The following MTOR variants were observed in gnomAD, a reference collection of about 807,000 sequenced individuals.
MTOR encodes the protein serine/threonine-protein kinase mTOR.
In MTOR, 70 loss-of-function variants were observed where a neutral mutation model predicts 319.8. The ratio of observed to expected loss-of-function variants is 0.22; its 90% CI spans 0.18 to 0.27. MTOR has a LOEUF of 0.27. MTOR is among the 10% of genes least tolerant of loss of function. MTOR has a pLI of 1.00. For synonymous variants in MTOR, 1,183 were observed against 1,211.4 expected (o/e 0.98, Z 0.49); for missense variants, 1,890 against 3,274.4 (o/e 0.58, Z 10.32).
In MTOR at chr1:11,156,658, G is replaced by A. The variant is rs118154419; in HGVS notation, c.4469+494C>T. On this transcript the variant is annotated intron_variant, in intron 30 of 57. Transcript: ENST00000361445. Reference sequence around the variant, plus strand: ...ATAATAACCCTCTGTTTACGTGGCTGTCTCATCAACCTCACAGGAAAGGCC... The same window carrying A: ...ATAATAACCCTCTGTTTACGTGGCTATCTCATCAACCTCACAGGAAAGGCC... Among the ~76,000 whole-genome samples the A allele has an allele frequency of 2.1e-3, 322 of 152,258 alleles. 7 individuals carry two copies. The East Asian group carries it at 0.052, about 25-fold the overall frequency.
chr1:11,255,916 G>T, intron 5 of MTOR, 76 bp downstream of exon 5: 1 of 1,353,516 alleles, frequency 7.4e-7, no homozygotes, highest in Non-Finnish European at 1.0e-6. Context: ...GCAAGGGCTT[G>T]TGGCTGCCCT....
intron 28 of MTOR, among the ~76,000 whole-genome samples, chr1:11,185,484 C>T (rs115403203): frequency 0.028 from 4,185 of 151,562 alleles, 169 homozygotes; most frequent in African/African-American, 0.095. Flanking sequence ...TGCATACCTG[C>T]AGTCCTAGCT....
In MTOR at chr1:11,133,878, T is replaced by C. The variant is rs928557364; in HGVS notation, c.5246+473A>G. On this transcript the variant is annotated intron_variant, in intron 37 of 57. Coordinates refer to ENST00000361445, the MANE Select transcript of MTOR (RefSeq NM_004958.4). This position sits in a 1 kb window ranked among gnomAD's most constrained non-coding sequence, Gnocchi z 4.0. ...AGTTTGAGACCAGCCTGGGCAACAT[T>C]AAACTTGTAGGAGGAAATGCAGGCT... Among the ~76,000 whole-genome samples the C allele has an allele frequency of 1.3e-5, 2 of 151,982 alleles. No homozygotes were observed. Among genetic ancestry groups the C allele is most frequent in the African/African-American group, 2.4e-5 (1 of 41,364 alleles).
chr1:11,200,787 G>A (rs560223514), intron 26 of MTOR, among the ~76,000 whole-genome samples: 6 of 152,112 alleles, frequency 3.9e-5, no homozygotes, highest in South Asian at 2.1e-4. Flanking sequence ...GGGCTGAGGC[G>A]GGCGGATCAC....
intron 34 of MTOR, among the ~76,000 whole-genome samples, chr1:11,141,165 G>A (rs571190613): frequency 1.3e-5 from 2 of 152,178 alleles, no homozygotes; most frequent in South Asian, 4.2e-4. Flanking sequence ...ACCCAGGCTG[G>A]AGTAAAGTGG....
chr1:11,177,861 G>A (rs1645036726), intron 28 of MTOR, among the ~76,000 whole-genome samples: 1 of 152,134 alleles, frequency 6.6e-6, no homozygotes, highest in Non-Finnish European at 1.5e-5. Flanking sequence ...AGAAAAAAAT[G>A]GAGGAGGGAA....
chr1:11,199,423 C>T lies in MTOR; in HGVS notation c.4108-20G>A, dbSNP rs777216605. ...GGGGCCCTGGAGAAGAGCAAAACCTCACAGCACAGGAAAATGGCAGATGGG... is the reference window on the plus strand; with the variant it reads ...GGGGCCCTGGAGAAGAGCAAAACCTTACAGCACAGGAAAATGGCAGATGGG... On this transcript the variant is annotated intron_variant, in intron 27 of 57. Coordinates refer to ENST00000361445, the MANE Select transcript of MTOR (RefSeq NM_004958.4). The surrounding 1 kb of genome is among the most constrained non-coding windows in gnomAD (Gnocchi z 4.5). 1.9e-5 allele frequency: 31 copies of T among 1,614,038 alleles called. No individual in the cohort carries two copies. Among genetic ancestry groups the T allele is most frequent in the Non-Finnish European group, 2.6e-5 (31 of 1,180,032 alleles).
At position 11,212,405 on chromosome 1, in the gene MTOR, A is replaced by G; in HGVS notation, c.3468T>C (p.Ile1156=). 1 of 1,614,162 alleles carries G rather than the reference A, an allele frequency of 6.2e-7. No homozygotes were observed. Reference sequence around the variant, plus strand: ...GGTCCAGTGTTCGAACAATAGGGTGAATGATCCGGGAGGCATAGTCAGTGA... The same window carrying G: ...GGTCCAGTGTTCGAACAATAGGGTGGATGATCCGGGAGGCATAGTCAGTGA... The part of the protein sequence containing the change: ...LDFTDYASRI[I]HPIVRTLDQS... Residue 1156 remains isoleucine, a synonymous_variant, in exon 23 of 58, where the codon ATT becomes ATC. Transcript: ENST00000361445. The surrounding 1 kb of genome is among the most constrained non-coding windows in gnomAD (Gnocchi z 4.1).
At position 11,248,110 on chromosome 1, in the gene MTOR, G is replaced by A. The variant is rs1429433051; in HGVS notation, c.841-16C>T. The A allele has an allele frequency of 2.6e-6, 4 of 1,555,598 alleles. No individual in the cohort carries two copies. The highest frequency in any genetic ancestry group is 1.4e-5 in the African/African-American group (1 of 72,602). ...CTCTCAGACGCTATATATATGAGGA[G>A]GAAAAAAATCATCTTTACTTATGAC... On this transcript the variant is annotated splice_polypyrimidine_tract_variant and intron_variant, in intron 6 of 57. Transcript: ENST00000361445.
intron 1 of MTOR, among the ~76,000 whole-genome samples, chr1:11,261,377 CAGG>C (rs1651109772): frequency 6.6e-6 from 1 of 151,528 alleles, no homozygotes; most frequent in South Asian, 2.1e-4. Context: ...GAGGCTGAGG[CAGG>C]AGAATGGCGG....
chr1:11,252,559 G>A (rs1649834557), intron 6 of MTOR, among the ~76,000 whole-genome samples: 1 of 152,144 alleles, frequency 6.6e-6, no homozygotes, highest in African/African-American at 2.4e-5. Flanking sequence ...TGTCCAAAGG[G>A]AGAAAAATGA....
chr1:11,251,566 T>C (rs1415594443), intron 6 of MTOR, among the ~76,000 whole-genome samples: 1 of 152,160 alleles, frequency 6.6e-6, no homozygotes, highest in East Asian at 1.9e-4. Context: ...TAGGACACAG[T>C]GTAGCTGGCA....
intron 46 of MTOR, among the ~76,000 whole-genome samples, chr1:11,124,874 C>T (rs537534062): frequency 7.9e-5 from 12 of 152,294 alleles, no homozygotes; most frequent in South Asian, 4.1e-4. Flanking sequence ...GGACCAGGAA[C>T]GGTTAGGCAT....
chr1:11,144,831 C>T, intron 33 of MTOR, 76 bp from the exon 34 acceptor site: 1 of 1,541,710 alleles, frequency 6.5e-7, no homozygotes. Context: ...TAAATCATTC[C>T]TTCTGGTGTC....
intron 19 of MTOR, among the ~76,000 whole-genome samples, chr1:11,218,232 T>C (rs7540890): frequency 0.8 from 120,951 of 152,066 alleles, 48,523 homozygotes; most frequent in East Asian, 0.91. Context: ...GAGTTTGAGA[T>C]CAGCCTGGCC....
intron 32 of MTOR, 59 bp downstream of exon 32, chr1:11,146,617 G>C: frequency 1.5e-6 from 2 of 1,345,498 alleles, no homozygotes; most frequent in Non-Finnish European, 2.1e-6. Flanking sequence ...AGCACCGTGG[G>C]CTTAGAAGCA....
rs138517513 is a variant in MTOR at position 11,237,948 on chromosome 1, A to G, written c.2103T>C (p.Asn701=). 28 of 1,614,222 alleles carry G rather than the reference A, an allele frequency of 1.7e-5. No individual in the cohort carries two copies. In the African/African-American group the frequency reaches 3.2e-4, roughly 18 times the overall value. Residue 701 remains asparagine (N), a synonymous_variant, in exon 13 of 58, where the codon AAT becomes AAC. Coordinates refer to ENST00000361445, the MANE Select transcript of MTOR (RefSeq NM_004958.4). ...ENLQALFVAL[N]DQVFEIRELA... is the part of the protein sequence containing the mutation. ...GCTCCCGGATCTCAAACACCTGGTC[A>G]TTCAGAGCCACAAACAAGGCCTGCA...
At chr1:11,123,923 G>T (rs370228570) in intron 47 of MTOR, among the ~76,000 whole-genome samples, 43 of 152,138 alleles carry the variant, frequency 2.8e-4, no homozygotes, top group African/African-American at 9.9e-4. Flanking sequence ...GAGTAGCCGG[G>T]ATTACAGGTG....
chr1:11,203,395 T>C (rs917380090), intron 26 of MTOR, among the ~76,000 whole-genome samples: 1 of 152,102 alleles, frequency 6.6e-6, no homozygotes, highest in African/African-American at 2.4e-5. Context: ...TAAAAAAAAT[T>C]TTGGCCAAGT....
Sources: gnomAD v4.1 joint callset for allele counts (sites outside exome capture counted in the v4.1 genomes callset) on GRCh38, gnomAD v4.1.1 for gene constraint, Gnocchi (gnomAD v3.1) non-coding constraint, MANE v1.5 for transcripts, NCBI Gene and HGNC (gene_info 2026-07-23, HGNC 2026-07-21) for gene names.